The following SHROOM4 variants were observed in gnomAD, a reference collection of about 807,000 sequenced individuals.
The protein encoded by SHROOM4 is protein Shroom4.
In SHROOM4, 17 loss-of-function variants were observed where a neutral mutation model predicts 80.3. The observed-to-expected ratio is 0.21, with a 90% CI of 0.14 to 0.32. The LOEUF is 0.32. Ranked by LOEUF, SHROOM4 falls within the 10% of genes least tolerant of loss-of-function variation. The probability of loss-of-function intolerance (pLI) is 1.00; values close to 1 mark genes in which losing one functional copy is unlikely to be tolerated. For synonymous variants in SHROOM4, 400 were observed against 437.5 expected, an observed-to-expected ratio of 0.91 and a Z score of 1.07; for missense variants, 993 against 1,140.3, an observed-to-expected ratio of 0.87 and a Z score of 1.86.
intron 6 of SHROOM4, among the ~76,000 whole-genome samples, chrX:50,606,092 T>TA (rs1929653755): frequency 1.8e-5 from 2 of 109,671 alleles, no homozygotes; most frequent in South Asian, 8.0e-4. Flanking sequence ...TTTTTTTTTT[T>TA]AATTATACTT....
intron 2 of SHROOM4, among the ~76,000 whole-genome samples, chrX:50,638,901 G>A (rs1557256688): frequency 8.9e-6 from 1 of 112,713 alleles, no homozygotes; most frequent in African/African-American, 3.2e-5. Flanking sequence ...AACAAAGCAT[G>A]GGATAGGTAT....
chrX:50,676,707 T>C (rs1359006362), intron 2 of SHROOM4, among the ~76,000 whole-genome samples: 1 of 110,840 alleles, frequency 9.0e-6, no homozygotes, highest in East Asian at 2.8e-4. Flanking sequence ...CGTTTAAATA[T>C]TGTTCAAAAC....
At chrX:50,658,216 A>G (rs1334782138) in intron 2 of SHROOM4, among the ~76,000 whole-genome samples, 1 of 111,311 alleles carries the variant, frequency 9.0e-6, no homozygotes, top group African/African-American at 3.3e-5. Flanking sequence ...TACCCACTCT[A>G]AGGTATTTTG....
At chrX:50,609,896 A>G (rs1929878441) in intron 5 of SHROOM4, among the ~76,000 whole-genome samples, 1 of 110,989 alleles carries the variant, frequency 9.0e-6, no homozygotes, top group Non-Finnish European at 1.9e-5. Context: ...TCTGTATAAT[A>G]AACACTGACT....
intron 1 of SHROOM4, among the ~76,000 whole-genome samples, chrX:50,717,608 G>C (rs1436174669): frequency 6.3e-5 from 7 of 111,776 alleles, no homozygotes; most frequent in African/African-American, 2.3e-4. Flanking sequence ...CCACACACCA[G>C]TGTCTCTCTT....
intron 2 of SHROOM4, among the ~76,000 whole-genome samples, chrX:50,640,196 T>C (rs1224359120): frequency 8.9e-6 from 1 of 111,926 alleles, no homozygotes; most frequent in African/African-American, 3.3e-5. Flanking sequence ...CCTATGCTTT[T>C]AGACACTGAG....
At chrX:50,805,324 C>T (rs191844408) in intron 1 of SHROOM4, among the ~76,000 whole-genome samples, 2 of 111,329 alleles carry the variant, frequency 1.8e-5, no homozygotes, top group African/African-American at 6.5e-5. Context: ...TATAGGAGAA[C>T]CATTGAAAAC....
At chrX:50,613,952 C>T (rs781909743) in intron 5 of SHROOM4, among the ~76,000 whole-genome samples, 4 of 111,945 alleles carry the variant, frequency 3.6e-5, no homozygotes, top group Admixed American at 9.5e-5. Flanking sequence ...AAGGTAGATC[C>T]ATGGAATAAA....
At chrX:50,687,135 GTCT>G (rs1342234114) in intron 2 of SHROOM4, 1 of 111,350 alleles carries the variant, frequency 9.0e-6, no homozygotes, top group Admixed American at 9.5e-5. Context: ...GAGCCTCAAG[GTCT>G]TCTTTTTGGA....
At position 50,607,739 on chromosome X, in the gene SHROOM4, C is replaced by T. The variant is rs868912650; in HGVS notation, c.3403G>A (p.Glu1135Lys). 2.5e-6 allele frequency: 3 copies of T among 1,182,844 alleles called. No individual in the cohort carries two copies. Among genetic ancestry groups the T allele is most frequent in the Middle Eastern group, 4.8e-4 (2 of 4,188 alleles). ...QQQQKQQEEE[E>K]EEEEEEEEEE... ...TCTTCTTCTTCTTCTTCCTCCTCCT[C>T]CTCCTCCTCCTGTTGCTTCTGCTGC... Residue 1135 changes from glutamate to lysine, a missense_variant, in exon 6 of 9, where the codon GAG becomes AAG. Coordinates refer to ENST00000376020, the MANE Select transcript of SHROOM4 (RefSeq NM_020717.5).
At chrX:50,623,377 G>A (rs1342843542) in intron 5 of SHROOM4, among the ~76,000 whole-genome samples, 5 of 110,600 alleles carry the variant, frequency 4.5e-5, no homozygotes, top group East Asian at 2.9e-4. Context: ...TAGTAGAGAC[G>A]GGGTTTCACC....
At chrX:50,693,607 C>T (rs1210709647) in intron 2 of SHROOM4, among the ~76,000 whole-genome samples, 30 of 104,477 alleles carry the variant, frequency 2.9e-4, no homozygotes, top group Middle Eastern at 5.0e-3. Flanking sequence ...TTTATTAACA[C>T]GTAACAGTTA....
intron 1 of SHROOM4, among the ~76,000 whole-genome samples, chrX:50,700,067 A>G (rs1215104529): frequency 1.8e-5 from 2 of 111,876 alleles, no homozygotes; most frequent in African/African-American, 6.5e-5. Context: ...TTTATTGGAA[A>G]AAATGGGCAT....
Position 50,813,932 on chromosome X carries a change from C to T in SHROOM4, c.87G>A (p.Leu29=). Residue 29 remains leucine (L), a synonymous_variant, in exon 1 of 9, where the codon CTG becomes CTA. Transcript: ENST00000376020. ...ACACTGTGAGCGGCTCACAGTGTTC[C>T]AGACCCCCCTTAAGGGTGAAGCCCC... is the stretch of plus-strand genomic sequence containing the variant. ...APWGFTLKGG[L]EHCEPLTVSK... is the part of the protein sequence containing the mutation. 1 of 1,205,629 alleles carries T rather than the reference C, an allele frequency of 8.3e-7. No individual in the cohort carries two copies. The highest frequency in any genetic ancestry group is 1.1e-6 in the Non-Finnish European group (1 of 891,045).
intron 1 of SHROOM4, among the ~76,000 whole-genome samples, chrX:50,729,198 T>C (rs974663879): frequency 8.1e-5 from 9 of 111,785 alleles, no homozygotes; most frequent in African/African-American, 2.9e-4. Flanking sequence ...AGAGTCCAAA[T>C]GTTGGACTTA....
At chrX:50,692,398 G>A (rs1933243564) in intron 2 of SHROOM4, among the ~76,000 whole-genome samples, 1 of 111,981 alleles carries the variant, frequency 8.9e-6, no homozygotes, top group Non-Finnish European at 1.9e-5. Flanking sequence ...ATTTAACAAT[G>A]TTTGTTTATT....
chrX:50,666,424 A>C (rs1394084273), intron 2 of SHROOM4, among the ~76,000 whole-genome samples: 1 of 111,583 alleles, frequency 9.0e-6, no homozygotes, highest in Non-Finnish European at 1.9e-5. Context: ...GTTCTAGGAA[A>C]TTCATCATAA....
At chrX:50,801,261 G>GGAGAGGGA (rs1936112939) in intron 1 of SHROOM4, among the ~76,000 whole-genome samples, 2 of 81,530 alleles carry the variant, frequency 2.5e-5, no homozygotes, top group Admixed American at 3.2e-4. Flanking sequence ...GAGAGAAAGA[G>GGAGAGGGA]GAGAGAGAGA....
chrX:50,608,111 C>T lies in SHROOM4; in HGVS notation c.3031G>A (p.Asp1011Asn). The T allele has an allele frequency of 1.7e-6, 2 of 1,211,622 alleles. No individual in the cohort carries two copies. The highest frequency in any genetic ancestry group is 2.2e-6 in the Non-Finnish European group (2 of 895,510). ...GAAATTGCTCGGTAGCTTGACAAGT[C>T]CAGTGCTGGGTTCTCAAGGCAAGGA... Reference protein sequence around the residue: ...FHPCLENPALDLSSYRAISSL... With the variant: ...FHPCLENPALNLSSYRAISSL... Residue 1011 changes from aspartate to asparagine, a missense_variant, in exon 6 of 9, where the codon GAC (aspartate) becomes AAC (asparagine). Coordinates refer to ENST00000376020, the MANE Select transcript of SHROOM4 (RefSeq NM_020717.5).
Sources: gnomAD v4.1 joint callset for allele counts (sites outside exome capture counted in the v4.1 genomes callset) on GRCh38, gnomAD v4.1.1 for gene constraint, MANE v1.5 for transcripts, NCBI Gene and HGNC (gene_info 2026-07-23, HGNC 2026-07-21) for gene names.